LRRC4C: variants seen among roughly 807,000 people sequenced by gnomAD.
LRRC4C encodes leucine rich repeat containing 4C, also known as leucine-rich repeat-containing protein 4C.
LRRC4C carries 5 observed loss-of-function variants against 33.6 expected under a neutral mutation model. The ratio of observed to expected loss-of-function variants is 0.15; its 90% CI spans 0.08 to 0.31. The LOEUF is 0.31. Among genes scored for constraint, LRRC4C ranks in the 10% least tolerant of loss-of-function variants. LRRC4C has a pLI of 1.00. For synonymous variants in LRRC4C, 329 were observed against 302.0 expected (o/e 1.09, Z -0.93); for missense variants, 560 against 796.7 (o/e 0.70, Z 3.58).
chr11:40,875,258 TA>T (rs1954831009), intron 2 of LRRC4C, among the ~76,000 whole-genome samples: 1 of 152,190 alleles, frequency 6.6e-6, no homozygotes, highest in Non-Finnish European at 1.5e-5. Flanking sequence ...GGCAATACTT[TA>T]TTTTTTAATA....
intron 3 of LRRC4C, among the ~76,000 whole-genome samples, chr11:40,421,186 G>T (rs1950510744): frequency 6.6e-6 from 1 of 152,166 alleles, no homozygotes; most frequent in African/African-American, 2.4e-5. Context: ...GTTTAACTAT[G>T]AATAAGACAG....
intron 1 of LRRC4C, among the ~76,000 whole-genome samples, chr11:41,223,593 C>T (rs974251267): frequency 3.3e-5 from 5 of 152,124 alleles, no homozygotes; most frequent in Non-Finnish European, 7.4e-5. Context: ...AAACTTACTC[C>T]CTACATGCTC....
chr11:41,238,036 T>C (rs1948097552), intron 1 of LRRC4C, among the ~76,000 whole-genome samples: 1 of 151,862 alleles, frequency 6.6e-6, no homozygotes, highest in Non-Finnish European at 1.5e-5. Flanking sequence ...TTAGCTCAAC[T>C]GTCACTCTTT....
At chr11:41,430,109 A>G (rs548799210) in intron 1 of LRRC4C, among the ~76,000 whole-genome samples, 38 of 152,274 alleles carry the variant, frequency 2.5e-4, no homozygotes, top group South Asian at 1.2e-3. Context: ...GGGTACTAAC[A>G]TGATTTTAAT....
At chr11:41,116,940 A>G (rs1942162989) in intron 1 of LRRC4C, among the ~76,000 whole-genome samples, 2 of 152,202 alleles carry the variant, frequency 1.3e-5, no homozygotes, top group Admixed American at 6.5e-5. Flanking sequence ...GCCCTTTGCA[A>G]TGTGACTGCA....
At chr11:40,148,035 G>A (rs1857888846) in intron 5 of LRRC4C, among the ~76,000 whole-genome samples, 2 of 152,046 alleles carry the variant, frequency 1.3e-5, no homozygotes, top group South Asian at 2.1e-4. Context: ...AAGAATAACG[G>A]CCTCCAGCTT....
intron 1 of LRRC4C, among the ~76,000 whole-genome samples, chr11:41,418,965 T>A (rs1330161235): frequency 6.6e-6 from 1 of 151,964 alleles, no homozygotes; most frequent in Non-Finnish European, 1.5e-5. Flanking sequence ...CAAAAATGTT[T>A]AGTAAAAATA....
intron 1 of LRRC4C, among the ~76,000 whole-genome samples, chr11:41,147,352 G>C (rs1433116119): frequency 6.6e-6 from 1 of 152,106 alleles, no homozygotes; most frequent in Non-Finnish European, 1.5e-5. Flanking sequence ...ACCTCGGTGA[G>C]GAAGTAACCT....
chr11:40,433,025 A>G (rs929438262), intron 3 of LRRC4C, among the ~76,000 whole-genome samples: 34 of 152,206 alleles, frequency 2.2e-4, no homozygotes, highest in African/African-American at 1.7e-4. Context: ...GAATAAAGTC[A>G]TAATACAGAG....
At chr11:40,199,902 C>T (rs1042902972) in intron 5 of LRRC4C, among the ~76,000 whole-genome samples, 3 of 151,828 alleles carry the variant, frequency 2.0e-5, no homozygotes, top group Non-Finnish European at 2.9e-5. Flanking sequence ...TTATGTTCCA[C>T]GAGATGAGAA....
At chr11:40,372,668 T>C (rs1948500453) in intron 3 of LRRC4C, among the ~76,000 whole-genome samples, 1 of 152,302 alleles carries the variant, frequency 6.6e-6, no homozygotes, top group African/African-American at 2.4e-5. Flanking sequence ...TACATGATGC[T>C]ATGCCTGGAT....
chr11:40,780,693 A>T (rs959284263), intron 2 of LRRC4C, among the ~76,000 whole-genome samples: 1 of 152,164 alleles, frequency 6.6e-6, no homozygotes, highest in South Asian at 2.1e-4. Context: ...GTATCCTTTG[A>T]AACTGAACCT....
chr11:40,331,597 A>G (rs1353990014), intron 3 of LRRC4C, among the ~76,000 whole-genome samples: 2 of 152,186 alleles, frequency 1.3e-5, no homozygotes, highest in Non-Finnish European at 2.9e-5. Context: ...GAGCAAAGAA[A>G]TCTCCCCTCA....
At chr11:40,688,213 G>A (rs555524879) in intron 2 of LRRC4C, among the ~76,000 whole-genome samples, 1 of 152,066 alleles carries the variant, frequency 6.6e-6, no homozygotes, top group Non-Finnish European at 1.5e-5. Flanking sequence ...TTATCACACA[G>A]AGCTGCCCAG....
intron 5 of LRRC4C, among the ~76,000 whole-genome samples, chr11:40,178,432 G>A (rs1215555785): frequency 6.6e-6 from 1 of 152,218 alleles, no homozygotes; most frequent in Non-Finnish European, 1.5e-5. Context: ...AACTGCAGCT[G>A]CTGGGATCCA....
At chr11:40,479,631 T>C (rs1953438652) in intron 3 of LRRC4C, among the ~76,000 whole-genome samples, 1 of 152,204 alleles carries the variant, frequency 6.6e-6, no homozygotes, top group Admixed American at 6.5e-5. Flanking sequence ...GCTTTAAACA[T>C]AGTGCCAAGT....
At chr11:40,977,143 T>A (rs1328483172) in intron 1 of LRRC4C, among the ~76,000 whole-genome samples, 1 of 152,106 alleles carries the variant, frequency 6.6e-6, no homozygotes, top group Non-Finnish European at 1.5e-5. Flanking sequence ...GAAGACCTAA[T>A]GCCACCACTG....
At chr11:40,545,435 A>C (rs1278850436) in intron 3 of LRRC4C, among the ~76,000 whole-genome samples, 1 of 152,000 alleles carries the variant, frequency 6.6e-6, no homozygotes, top group Non-Finnish European at 1.5e-5. Context: ...AATTTATAAA[A>C]ATATAATACA....
intron 6 of LRRC4C, among the ~76,000 whole-genome samples, chr11:40,131,014 T>C (rs1856610657): frequency 6.6e-6 from 1 of 152,188 alleles, no homozygotes; most frequent in Admixed American, 6.5e-5. Flanking sequence ...CTATAACACT[T>C]ACCAAATCCA....
Sources: gnomAD v4.1 joint callset for allele counts (sites outside exome capture counted in the v4.1 genomes callset) on GRCh38, gnomAD v4.1.1 for gene constraint, MANE v1.5 for transcripts, NCBI Gene and HGNC (gene_info 2026-07-23, HGNC 2026-07-21) for gene names.